The following RNF38 variants were observed in gnomAD, a reference collection of about 807,000 sequenced individuals.
RNF38 encodes ring finger protein 38, also known as E3 ubiquitin-protein ligase RNF38.
Under a neutral mutation model 67.2 loss-of-function variants are expected in RNF38, and 15 were observed. The observed-to-expected ratio is 0.22, with a 90% CI of 0.15 to 0.34. The LOEUF (loss-of-function observed/expected upper bound fraction) is 0.34. RNF38 is among the 10% of genes least tolerant of loss of function. The pLI is 1.00. For missense variants in RNF38, 524 were observed against 639.9 expected (o/e 0.82, Z 1.95); for synonymous variants, 220 against 218.8 (o/e 1.01, Z -0.05).
chr9:36,465,147 G>C (rs1439570607), intron 1 of RNF38, among the ~76,000 whole-genome samples: 1 of 152,138 alleles, frequency 6.6e-6, no homozygotes, highest in Non-Finnish European at 1.5e-5. Flanking sequence ...TAGAACCCTC[G>C]TACACTGCTG....
chr9:36,437,867 G>A (rs1839105042), intron 1 of RNF38, among the ~76,000 whole-genome samples: 1 of 152,190 alleles, frequency 6.6e-6, no homozygotes, highest in Admixed American at 6.5e-5. Flanking sequence ...TAATTCTTAG[G>A]CAGGAGTCTG....
intron 1 of RNF38, among the ~76,000 whole-genome samples, chr9:36,438,443 C>T (rs541642080): frequency 1.3e-5 from 2 of 151,878 alleles, no homozygotes; most frequent in East Asian, 1.9e-4. Flanking sequence ...CATCAGCAAT[C>T]GTTAGTGTTA....
upstream of RNF38, among the ~76,000 whole-genome samples, chr9:36,405,696 C>A (rs1838161096): frequency 6.6e-6 from 1 of 151,940 alleles, no homozygotes; most frequent in African/African-American, 2.4e-5. Flanking sequence ...CCTGTTTTTT[C>A]TTTATTTCTA....
At position 36,371,581 on chromosome 9, in the gene RNF38, G is replaced by C. The variant is rs572367167; in HGVS notation, c.357-1649C>G. ...CCTGCCTCAACCTCCCAAGTAGCTGGGATTACAGATGTCCACCACCAAGCC... is the reference window on the plus strand; with the variant it reads ...CCTGCCTCAACCTCCCAAGTAGCTGCGATTACAGATGTCCACCACCAAGCC... On this transcript the variant is annotated intron_variant, in intron 3 of 11. Coordinates refer to ENST00000259605, the MANE Select transcript of RNF38 (RefSeq NM_022781.5). Among the ~76,000 whole-genome samples the C allele has an allele frequency of 2.0e-5, 3 of 151,598 alleles. No individual in the cohort carries two copies. In the East Asian group the frequency reaches 5.8e-4, roughly 29 times the overall value.
intron 1 of RNF38, among the ~76,000 whole-genome samples, chr9:36,442,441 A>C (rs1329226795): frequency 6.6e-6 from 1 of 152,218 alleles, no homozygotes; most frequent in East Asian, 1.9e-4. Context: ...ATAGTGACCA[A>C]ACTGTCAGCT....
intron 1 of RNF38, among the ~76,000 whole-genome samples, chr9:36,478,399 G>A (rs1440590151): frequency 2.5e-5 from 2 of 80,346 alleles, no homozygotes; most frequent in Non-Finnish European, 4.5e-5. Context: ...GCGAGACTCC[G>A]TCTCAAAAAA....
chr9:36,459,410 T>C (rs1839671369), intron 1 of RNF38, among the ~76,000 whole-genome samples: 1 of 152,188 alleles, frequency 6.6e-6, no homozygotes, highest in Non-Finnish European at 1.5e-5. Flanking sequence ...CATTTACTCC[T>C]TTTATTTGTC....
rs746671731 is a variant in RNF38, at chr9:36,390,480, T to C, written c.149A>G (p.Lys50Arg). ...ATATATAAGAACCTGGAAGAAAGCT[T>C]TGAAGTGAGCATCCTCTTGAACGGT... ...NTTVQEDAHF[K>R]AFFQSEDSPS... Residue 50 changes from lysine to arginine, a missense_variant, in exon 2 of 12, where the codon AAA becomes AGA. By Grantham distance (26) the Lys-to-Arg change is conservative. Around this residue, in one of 2 missense-constraint regions of RNF38, gnomAD observed 461 missense variants for 517.4 expected, o/e 0.89. Transcript: ENST00000259605. 4.3e-6 allele frequency: 7 copies of C among 1,612,698 alleles called. No homozygotes were observed. The highest frequency in any genetic ancestry group is 3.3e-5 in the Admixed American group (2 of 59,828).
chr9:36,486,478 C>T (rs1840413867), intron 1 of RNF38, among the ~76,000 whole-genome samples: 1 of 152,134 alleles, frequency 6.6e-6, no homozygotes, highest in Non-Finnish European at 1.5e-5. Context: ...TTACCAAGGC[C>T]ATGTATGCAT....
chr9:36,409,802 C>CAG (rs750598643), intron 2 of RNF38, among the ~76,000 whole-genome samples: 1 of 152,218 alleles, frequency 6.6e-6, no homozygotes, highest in Non-Finnish European at 1.5e-5. Flanking sequence ...CCACATTCTA[C>CAG]AGGCCCTCCA....
chr9:36,475,163 A>T (rs909781101), intron 1 of RNF38, among the ~76,000 whole-genome samples: 1 of 138,452 alleles, frequency 7.2e-6, no homozygotes, highest in African/African-American at 2.6e-5. Flanking sequence ...AAAAAAAAAA[A>T]ATCTTATTAC....
At position 36,484,962 on chromosome 9, in the gene RNF38, C is replaced by G. The variant is rs534120809; in HGVS notation, n.241+2346G>C. On this transcript the variant is annotated intron_variant and non_coding_transcript_variant, in intron 1 of 3. Coordinates refer to the RNF38 transcript ENST00000488058. ...CGGGCAGATCACGAGGTCAGGAGATCGAGACCATCCTGGCTAACACGATGA... is the reference window on the plus strand; with the variant it reads ...CGGGCAGATCACGAGGTCAGGAGATGGAGACCATCCTGGCTAACACGATGA... Among the ~76,000 whole-genome samples, 4 of 151,960 alleles carry G rather than the reference C, an allele frequency of 2.6e-5. No individual in the cohort carries two copies. In the East Asian group the frequency reaches 7.7e-4, roughly 29 times the overall value.
chr9:36,355,666 T>A (rs1021284030), intron 6 of RNF38, among the ~76,000 whole-genome samples: 1 of 152,212 alleles, frequency 6.6e-6, no homozygotes. Flanking sequence ...CTAAAAACTT[T>A]TCTTCAGATT....
At chr9:36,415,360 C>T (rs1838435374) in intron 2 of RNF38, among the ~76,000 whole-genome samples, 1 of 152,034 alleles carries the variant, frequency 6.6e-6, no homozygotes, top group Non-Finnish European at 1.5e-5. Context: ...CTTTCATTTC[C>T]TGAAGTTGTG....
At chr9:36,440,607 G>T (rs1048141629) in intron 1 of RNF38, among the ~76,000 whole-genome samples, 1 of 150,382 alleles carries the variant, frequency 6.6e-6, no homozygotes, top group Non-Finnish European at 1.5e-5. Flanking sequence ...CTGTTAAGTG[G>T]AAAAAAAAAG....
At chr9:36,471,098 G>GA (rs1177288690) in intron 1 of RNF38, among the ~76,000 whole-genome samples, 1 of 152,078 alleles carries the variant, frequency 6.6e-6, no homozygotes, top group African/African-American at 2.4e-5. Flanking sequence ...GCTTTTTTAA[G>GA]GCACTTCCAG....
intron 2 of RNF38, among the ~76,000 whole-genome samples, chr9:36,412,563 T>C (rs1260114654): frequency 6.6e-6 from 1 of 152,236 alleles, no homozygotes; most frequent in South Asian, 2.1e-4. Flanking sequence ...GGATCCCTTA[T>C]GAATGGCTTA....
chr9:36,361,639 T>G (rs1834544584), intron 4 of RNF38, among the ~76,000 whole-genome samples: 1 of 152,192 alleles, frequency 6.6e-6, no homozygotes, highest in Admixed American at 6.5e-5. Context: ...GTTCTGATAG[T>G]TCTTCACTTT....
intron 1 of RNF38, among the ~76,000 whole-genome samples, chr9:36,440,721 G>T (rs138735816): frequency 6.6e-6 from 1 of 152,194 alleles, no homozygotes; most frequent in Non-Finnish European, 1.5e-5. Flanking sequence ...CAATGGAACT[G>T]AGGACACATT....
Sources: allele counts gnomAD v4.1 joint callset (sites outside exome capture counted in the v4.1 genomes callset), GRCh38; gene constraint gnomAD v4.1.1; regional missense constraint gnomAD v4.1.1; transcripts MANE v1.5; gene names NCBI Gene and HGNC (gene_info 2026-07-23, HGNC 2026-07-21).